The following SLC6A2 variants were observed in gnomAD, a reference collection of about 807,000 sequenced individuals.
SLC6A2 encodes sodium-dependent noradrenaline transporter.
A neutral mutation model predicts 71.7 loss-of-function variants in SLC6A2; 26 were observed. That is an observed-to-expected ratio of 0.36 (90% CI 0.27 to 0.50). SLC6A2 has a LOEUF of 0.50. Among genes scored for constraint, SLC6A2 ranks in the 20% least tolerant of loss-of-function variants. The probability of loss-of-function intolerance (pLI) is 0.96; values close to 1 mark genes in which losing one functional copy is unlikely to be tolerated. For missense variants in SLC6A2, 581 were observed against 803.9 expected, an observed-to-expected ratio of 0.72 and a Z score of 3.35; for synonymous variants, 363 against 337.9, an observed-to-expected ratio of 1.07 and a Z score of -0.82.
At chr16:55,660,193 T>A (rs1402187606) in intron 2 of SLC6A2, among the ~76,000 whole-genome samples, 1 of 151,926 alleles carries the variant, frequency 6.6e-6, no homozygotes, top group Non-Finnish European at 1.5e-5. Flanking sequence ...GGGGCAGGAA[T>A]GTACATGGAA....
At chr16:55,702,216 G>C in intron 14 of SLC6A2, 107 bp from the exon 15 acceptor site, 2 of 1,063,100 alleles carry the variant, frequency 1.9e-6, no homozygotes, top group African/African-American at 1.6e-5. Context: ...CGTGAAGGAA[G>C]GGGGTGTTTT....
chr16:55,662,858 C>T (rs1964646539), intron 2 of SLC6A2, among the ~76,000 whole-genome samples: 1 of 152,160 alleles, frequency 6.6e-6, no homozygotes, highest in Admixed American at 6.5e-5. Context: ...CAACAATCAA[C>T]ACAGAAGACG....
At position 55,705,119 on chromosome 16, in the gene SLC6A2, A is replaced by AT; in HGVS notation, c.*2778dup. 1.0e-6 allele frequency: 1 copy of AT among 984,868 alleles called. No homozygotes were observed. The highest frequency in any genetic ancestry group is 2.0e-5 in the Admixed American group (1 of 48,956). The allele number at this position is 984,868 out of a possible 1,614,324, so 61.0% of individuals were successfully genotyped here. A position where few individuals can be genotyped will look rare whatever the true frequency, so the allele number is the denominator to read the frequency against. On this transcript the variant is annotated 3_prime_UTR_variant, in exon 15 of 15. Transcript: ENST00000568943. ...TTTTTCAGGTTTTTAAAGAATTATT[A>AT]TTTTTCATGAAATGTAAAATATCAG... is the stretch of plus-strand genomic sequence containing the variant.
intron 2 of SLC6A2, among the ~76,000 whole-genome samples, chr16:55,665,098 G>A (rs1220461524): frequency 6.6e-6 from 1 of 152,196 alleles, no homozygotes; most frequent in Non-Finnish European, 1.5e-5. Context: ...GCTAGATTGA[G>A]CTGGGAGGAA....
Position 55,699,683 on chromosome 16 carries a change from A to G in SLC6A2, c.1590+29A>G, listed in dbSNP as rs772103258. ...TGTAGTGTCTGCAGGGAAGTCCTGC[A>G]TGTGGGGAGGGGGCTGTGTCCAGGA... On this transcript the variant is annotated intron_variant, in intron 12 of 14. Coordinates refer to ENST00000568943, the MANE Select transcript of SLC6A2 (RefSeq NM_001172501.3). 5 of 1,489,826 alleles carry G rather than the reference A, an allele frequency of 3.4e-6. No individual in the cohort carries two copies. In the Admixed American group the frequency reaches 5.0e-5, roughly 15 times the overall value. The allele number at this position is 1,489,826 out of a possible 1,614,324, so 92.3% of individuals were successfully genotyped here. A position where few individuals can be genotyped will look rare whatever the true frequency, so the allele number is the denominator to read the frequency against.
chr16:55,681,138 T>C (rs1180286086), intron 4 of SLC6A2, among the ~76,000 whole-genome samples: 2 of 152,224 alleles, frequency 1.3e-5, no homozygotes, highest in Non-Finnish European at 2.9e-5. Flanking sequence ...TGACACCTGC[T>C]GCTCCTTGAA....
chr16:55,680,393 C>T (rs1401850356), intron 4 of SLC6A2, among the ~76,000 whole-genome samples: 2 of 152,168 alleles, frequency 1.3e-5, no homozygotes, highest in Non-Finnish European at 2.9e-5. Flanking sequence ...CCACAATAGG[C>T]TGTCTGCAAG....
chr16:55,697,866 C>A, intron 9 of SLC6A2, 31 bp from the exon 10 acceptor site: 1 of 1,613,266 alleles, frequency 6.2e-7, no homozygotes, highest in Non-Finnish European at 8.5e-7. Context: ...GACCCTAATT[C>A]CTGCACCCCA....
At position 55,700,133 on chromosome 16, in the gene SLC6A2, C is replaced by T; in HGVS notation, c.1591-6C>T. 6.2e-7 allele frequency: 1 copy of T among 1,613,416 alleles called. No individual in the cohort carries two copies. Among genetic ancestry groups the T allele is most frequent in the East Asian group, 2.2e-5 (1 of 44,852 alleles). On this transcript the variant is annotated splice_polypyrimidine_tract_variant and splice_region_variant and intron_variant, in intron 12 of 14. Transcript: ENST00000568943. ...TCCTTTCTCTCCCTTCTCTGCCCATCTCTAGTTCGTGGTTGTGGTCAGCAT... is the reference window on the plus strand; with the variant it reads ...TCCTTTCTCTCCCTTCTCTGCCCATTTCTAGTTCGTGGTTGTGGTCAGCAT...
intron 4 of SLC6A2, among the ~76,000 whole-genome samples, chr16:55,681,783 T>A (rs148908555): frequency 6.6e-6 from 1 of 152,372 alleles, no homozygotes; most frequent in Non-Finnish European, 1.5e-5. Context: ...GACAGACAAT[T>A]GATCTTATCC....
chr16:55,686,647 G>T (rs1861646), intron 5 of SLC6A2, among the ~76,000 whole-genome samples: 34,785 of 152,024 alleles, frequency 0.23, 4,673 homozygotes, highest in African/African-American at 0.36. Context: ...AGAGTTCTTG[G>T]TCATGCCATT....
chr16:55,691,800 G>A (rs898298467), intron 5 of SLC6A2, 118 bp from the exon 6 acceptor site: 6 of 1,194,054 alleles, frequency 5.0e-6, no homozygotes, highest in South Asian at 2.5e-5. Context: ...TGTGCTTTGG[G>A]TAAAGGAAGG....
chr16:55,699,700 T>C, intron 12 of SLC6A2, 46 bp downstream of exon 12: 1 of 1,355,534 alleles, frequency 7.4e-7, no homozygotes, highest in Non-Finnish European at 1.1e-6. Flanking sequence ...GAGGGGGCTG[T>C]GTCCAGGATG....
rs1322721945 is a variant in SLC6A2 at position 55,703,838 on chromosome 16, C to A, written c.*1492C>A. 7.1e-6 allele frequency: 7 copies of A among 983,798 alleles called. No individual in the cohort carries two copies. In the African/African-American group the frequency reaches 1.2e-4, roughly 17 times the overall value. 60.9% of individuals were successfully genotyped at this position (983,798 alleles called of 1,614,324 possible). A position where few individuals can be genotyped will look rare whatever the true frequency, so the allele number is the denominator to read the frequency against. On this transcript the variant is annotated 3_prime_UTR_variant, in exon 15 of 15. Transcript: ENST00000568943. ...GTGTTGTTGAGCCTGGTGGTTCCTGCATGAAGAGGATTATGAGGGGACCAG... is the reference window on the plus strand; with the variant it reads ...GTGTTGTTGAGCCTGGTGGTTCCTGAATGAAGAGGATTATGAGGGGACCAG...
rs1314896251 is a variant in SLC6A2, at chr16:55,702,582, G to A, written c.*236G>A. ...AGGAGCAAACAGGAAAATGACTTCTGTTCTGTCCCCGCTGTTTTGGGGGAA... is the reference window on the plus strand; with the variant it reads ...AGGAGCAAACAGGAAAATGACTTCTATTCTGTCCCCGCTGTTTTGGGGGAA... On this transcript the variant is annotated 3_prime_UTR_variant, in exon 15 of 15. Transcript: ENST00000568943. 10 of 1,432,046 alleles carry A rather than the reference G, an allele frequency of 7.0e-6. No homozygotes were observed. Among genetic ancestry groups the A allele is most frequent in the Non-Finnish European group, 9.1e-6 (10 of 1,093,896 alleles). The allele number at this position is 1,432,046 out of a possible 1,614,324, so 88.7% of individuals were successfully genotyped here.
chr16:55,674,726 C>T (rs1965031044), intron 4 of SLC6A2, among the ~76,000 whole-genome samples: 1 of 152,172 alleles, frequency 6.6e-6, no homozygotes, highest in African/African-American at 2.4e-5. Context: ...CACCCGGCCA[C>T]CACATTTTCT....
At chr16:55,671,248 C>A (rs1478622407) in intron 3 of SLC6A2, among the ~76,000 whole-genome samples, 1 of 152,180 alleles carries the variant, frequency 6.6e-6, no homozygotes, top group Non-Finnish European at 1.5e-5. Context: ...GGAGCTCAGT[C>A]CCATCAGGGG....
rs527853403 is a variant in SLC6A2, at chr16:55,675,355, A to G, written c.644+3180A>G. On this transcript the variant is annotated intron_variant, in intron 4 of 14. Transcript: ENST00000568943. ...CCAGAACTCCACCCTCAGGGCATTC[A>G]TGGTCTAGAGCAGAGGTCCCCAAAC... Among the ~76,000 whole-genome samples the G allele has an allele frequency of 4.6e-5, 7 of 152,346 alleles. 1 individual carries two copies. The South Asian group carries it at 8.3e-4, about 18-fold the overall frequency.
intron 2 of SLC6A2, among the ~76,000 whole-genome samples, chr16:55,668,262 G>C (rs1280690520): frequency 1.3e-5 from 2 of 152,134 alleles, no homozygotes; most frequent in Admixed American, 1.3e-4. Flanking sequence ...CTTTGCCACA[G>C]TTCTTTGCTA....
Sources: gnomAD v4.1 joint callset for allele counts (sites outside exome capture counted in the v4.1 genomes callset) on GRCh38, gnomAD v4.1.1 for gene constraint, MANE v1.5 for transcripts, NCBI Gene and HGNC (gene_info 2026-07-23, HGNC 2026-07-21) for gene names.